Variants in SH3PXD2A observed in about 807,000 individuals in gnomAD.
SH3PXD2A encodes SH3 and PX domain-containing protein 2A.
In SH3PXD2A, 32 loss-of-function variants were observed where a neutral mutation model predicts 115.2. The ratio of observed to expected loss-of-function variants is 0.28; its 90% confidence interval spans 0.21 to 0.37. The LOEUF is 0.37. Among genes scored for constraint, SH3PXD2A ranks in the 10% least tolerant of loss-of-function variants. The pLI is 1.00. For missense variants in SH3PXD2A, 1,328 were observed against 1,498.7 expected (o/e 0.89, Z 1.88); for synonymous variants, 610 against 629.1 (o/e 0.97, Z 0.45).
At chr10:103,839,895 C>G (rs577307626) in intron 1 of SH3PXD2A, among the ~76,000 whole-genome samples, 2 of 152,214 alleles carry the variant, frequency 1.3e-5, no homozygotes, top group Non-Finnish European at 2.9e-5. Context: ...ACTACAGGGC[C>G]GGAGAGGACA....
rs2038730003 is a variant in SH3PXD2A at position 103,764,153 on chromosome 10, G to A, written c.229+2941C>T. On this transcript the variant is annotated intron_variant, in intron 3 of 14. Transcript: ENST00000369774. ...GTGCATCAGGGCGGTGGGGGTGGAT[G>A]GGGAATCCTCACACCCACTCAACTT... Among the ~76,000 whole-genome samples, 3 of 152,202 alleles carry A rather than the reference G, an allele frequency of 2.0e-5. No homozygotes were observed. In the South Asian group the frequency reaches 6.2e-4, roughly 32 times the overall value.
At chr10:103,621,069 G>A (rs1368050855) in intron 10 of SH3PXD2A, among the ~76,000 whole-genome samples, 1 of 152,154 alleles carries the variant, frequency 6.6e-6, no homozygotes, top group Admixed American at 6.5e-5. Context: ...CTGTGTGCCT[G>A]GGACTGTGGA....
intron 6 of SH3PXD2A, among the ~76,000 whole-genome samples, chr10:103,679,286 G>A (rs150391193): frequency 2.9e-4 from 44 of 152,334 alleles, no homozygotes; most frequent in African/African-American, 1.1e-3. Flanking sequence ...TATCACTGAG[G>A]TTCCATCACA....
Position 103,600,103 on chromosome 10 carries a change from T to G in SH3PXD2A, c.*1713A>C, listed in dbSNP as rs1331536855. 1.3e-5 allele frequency: 2 copies of G among 152,522 alleles called. No individual in the cohort carries two copies. The highest frequency in any genetic ancestry group is 2.9e-5 in the Non-Finnish European group (2 of 68,022). 9.4% of individuals were successfully genotyped at this position (152,522 alleles called of 1,614,324 possible). The stretch of plus-strand genomic sequence containing the variant: ...GTGAGGGAGGGCCTTTCCTCCTCTA[T>G]AGAAAACACCAACCCCCAGTCCAGG... On this transcript the variant is annotated 3_prime_UTR_variant, in exon 15 of 15. Coordinates refer to ENST00000369774, the MANE Select transcript of SH3PXD2A (RefSeq NM_001394015.1).
chr10:103,653,885 C>T (rs10883893), intron 8 of SH3PXD2A, among the ~76,000 whole-genome samples: 62,417 of 151,622 alleles, frequency 0.41, 13,298 homozygotes, highest in East Asian at 0.63. Flanking sequence ...GGGAGTTCTC[C>T]GGCTCACCAG....
chr10:103,850,766 CCTT>C (rs1340020892), intron 1 of SH3PXD2A, among the ~76,000 whole-genome samples: 1 of 152,206 alleles, frequency 6.6e-6, no homozygotes, highest in Non-Finnish European at 1.5e-5. Flanking sequence ...GCTGGGCCGT[CCTT>C]CTTGCCTCAG....
chr10:103,748,800 A>G (rs2134202370), intron 3 of SH3PXD2A, among the ~76,000 whole-genome samples: 1 of 152,224 alleles, frequency 6.6e-6, no homozygotes, highest in Admixed American at 6.5e-5. Context: ...AAGGTGCCAA[A>G]GAGACTGAAT....
At chr10:103,748,936 G>A (rs774575251) in intron 3 of SH3PXD2A, among the ~76,000 whole-genome samples, 31 of 152,136 alleles carry the variant, frequency 2.0e-4, no homozygotes, top group South Asian at 2.1e-4. Flanking sequence ...GACCCTGCCC[G>A]AAGCCCTTCT....
rs574078839 is a variant in SH3PXD2A, at chr10:103,756,661, G to A, written c.229+10433C>T. On this transcript the variant is annotated intron_variant, in intron 3 of 14. Coordinates refer to ENST00000369774, the MANE Select transcript of SH3PXD2A (RefSeq NM_001394015.1). This position sits in a 1 kb window ranked among gnomAD's most constrained non-coding sequence, Gnocchi z 4.4. ...AGCCCACAGGCAGGAGTGGGGAGTGGTGGTGAGGTGAAACACTCCTTCTGC... is the reference window on the plus strand; with the variant it reads ...AGCCCACAGGCAGGAGTGGGGAGTGATGGTGAGGTGAAACACTCCTTCTGC... Among the ~76,000 whole-genome samples the A allele has an allele frequency of 3.2e-4, 48 of 152,240 alleles. No individual in the cohort carries two copies. The highest frequency in any genetic ancestry group is 4.9e-4 in the Non-Finnish European group (33 of 67,992).
intron 1 of SH3PXD2A, among the ~76,000 whole-genome samples, chr10:103,832,979 A>G (rs1394011344): frequency 6.6e-6 from 1 of 152,224 alleles, no homozygotes; most frequent in Admixed American, 6.5e-5. Flanking sequence ...TGTTTTCCAA[A>G]GTGGTTACAC....
chr10:103,821,231 C>T lies in SH3PXD2A; in HGVS notation c.73-19869G>A, dbSNP rs183368713. 4.9e-3 allele frequency among the ~76,000 whole-genome samples: 730 copies of T among 150,072 alleles called. 10 individuals are homozygous for T. Among genetic ancestry groups the T allele is most frequent in the African/African-American group, 0.016 (648 of 40,708 alleles). ...GGTCTCGGCTTACTGCAACCTCCAC[C>T]TCCTGGGTTCAAGCGATTCTCCTGC... On this transcript the variant is annotated intron_variant, in intron 1 of 14. Coordinates refer to ENST00000369774, the MANE Select transcript of SH3PXD2A (RefSeq NM_001394015.1).
intron 1 of SH3PXD2A, among the ~76,000 whole-genome samples, chr10:103,814,130 T>C (rs1348115750): frequency 6.6e-6 from 1 of 152,194 alleles, no homozygotes; most frequent in Non-Finnish European, 1.5e-5. Flanking sequence ...TACTGGGTGC[T>C]TTTTCTCAAA....
chr10:103,625,380 T>C (rs2036676510), intron 9 of SH3PXD2A, among the ~76,000 whole-genome samples: 1 of 152,154 alleles, frequency 6.6e-6, no homozygotes, highest in Non-Finnish European at 1.5e-5. Context: ...CAGAGAGGTG[T>C]GTGGCACAGC....
chr10:103,851,119 T>TG (rs1842892733), intron 1 of SH3PXD2A, among the ~76,000 whole-genome samples: 2 of 137,038 alleles, frequency 1.5e-5, no homozygotes, highest in African/African-American at 5.5e-5. Context: ...CTCATTCCTG[T>TG]GGGGCTGGAG....
At chr10:103,804,582 A>G (rs1303423714) in intron 1 of SH3PXD2A, among the ~76,000 whole-genome samples, 2 of 151,814 alleles carry the variant, frequency 1.3e-5, no homozygotes, top group Admixed American at 6.6e-5. Context: ...TCAGCCTCCC[A>G]AAGTCCTGGG....
At chr10:103,623,650 G>C (rs1265666299) in intron 9 of SH3PXD2A, among the ~76,000 whole-genome samples, 1 of 152,122 alleles carries the variant, frequency 6.6e-6, no homozygotes, top group Non-Finnish European at 1.5e-5. Flanking sequence ...TAGGAGGTGT[G>C]GACTCCAGTC....
At chr10:103,727,982 C>T (rs1426648309) in intron 4 of SH3PXD2A, among the ~76,000 whole-genome samples, 1 of 152,254 alleles carries the variant, frequency 6.6e-6, no homozygotes, top group African/African-American at 2.4e-5. Context: ...CACCCCCAAG[C>T]CCAGCCGTTG....
chr10:103,718,793 ACACACG>A (rs1180799600), intron 5 of SH3PXD2A, among the ~76,000 whole-genome samples: 2 of 150,692 alleles, frequency 1.3e-5, no homozygotes, highest in South Asian at 2.1e-4. Context: ...ACACACACAC[ACACACG>A]CACATACACC....
chr10:103,633,781 C>T (rs1310023295), intron 8 of SH3PXD2A, among the ~76,000 whole-genome samples: 1 of 146,214 alleles, frequency 6.8e-6, no homozygotes, highest in Non-Finnish European at 1.5e-5. Flanking sequence ...CTTGACGGCA[C>T]AGCGGGAGAA....
Sources: allele counts gnomAD v4.1 joint callset (sites outside exome capture counted in the v4.1 genomes callset), GRCh38; gene constraint gnomAD v4.1.1; non-coding constraint Gnocchi (gnomAD v3.1); transcripts MANE v1.5; gene names NCBI Gene and HGNC (gene_info 2026-07-23, HGNC 2026-07-21).